Variants in SH3RF3 observed in about 807,000 individuals in gnomAD.
SH3RF3 encodes the protein SH3 domain containing ring finger 3, also known as E3 ubiquitin-protein ligase SH3RF3.
In SH3RF3, 29 loss-of-function variants were observed where a neutral mutation model predicts 66.3. That is an observed-to-expected ratio of 0.44 (90% CI 0.33 to 0.60). The LOEUF (loss-of-function observed/expected upper bound fraction) is 0.60, where lower values mean the gene tolerates loss of function less well. Among genes scored for constraint, SH3RF3 ranks in the 20% least tolerant of loss-of-function variants. The pLI is 0.04. For missense variants in SH3RF3, 1,194 were observed against 1,190.9 expected, an observed-to-expected ratio of 1.00 and a Z score of -0.04; for synonymous variants, 583 against 532.0, an observed-to-expected ratio of 1.10 and a Z score of -1.32.
intron 1 of SH3RF3, among the ~76,000 whole-genome samples, chr2:109,321,127 GAC>G (rs1288502784): frequency 6.6e-6 from 1 of 152,232 alleles, no homozygotes; most frequent in Non-Finnish European, 1.5e-5. Flanking sequence ...AAGACTCACG[GAC>G]ACACAAGACG....
At chr2:109,215,168 G>C (rs1411539191) in intron 1 of SH3RF3, among the ~76,000 whole-genome samples, 1 of 152,174 alleles carries the variant, frequency 6.6e-6, no homozygotes, top group Non-Finnish European at 1.5e-5. Flanking sequence ...CTCTCTCTGA[G>C]CATTGCTCAA....
intron 1 of SH3RF3, among the ~76,000 whole-genome samples, chr2:109,155,591 G>A (rs926140686): frequency 4.6e-5 from 7 of 152,170 alleles, no homozygotes; most frequent in South Asian, 2.1e-4. Flanking sequence ...CTGAGCCACC[G>A]TGCCTGGCCG....
rs1264954235 is a variant in SH3RF3, at chr2:109,129,783, C to T, written c.243C>T (p.Cys81=). The change falls in exon 1 of 10, where the codon TGC becomes TGT. Residue 81 remains cysteine, a synonymous_variant. Transcript: ENST00000309415. Reference sequence around the variant, plus strand: ...GCCAACACACTTTCTGCCGCCGCTGCCTGGAGAGCATCGTGTGCTCGCGCC... The same window carrying T: ...GCCAACACACTTTCTGCCGCCGCTGTCTGGAGAGCATCGTGTGCTCGCGCC... ...LPCQHTFCRR[C]LESIVCSRHE... 2 of 1,539,290 alleles carry T rather than the reference C, an allele frequency of 1.3e-6. No homozygotes were observed. Among genetic ancestry groups the T allele is most frequent in the Admixed American group, 2.0e-5 (1 of 50,498 alleles).
At chr2:109,330,268 A>G (rs766174016) in intron 1 of SH3RF3, among the ~76,000 whole-genome samples, 16 of 152,088 alleles carry the variant, frequency 1.1e-4, no homozygotes, top group Non-Finnish European at 2.2e-4. Context: ...CTTTTCCTCA[A>G]TTTTGGTGTG....
chr2:109,328,874 T>C (rs1290543639), intron 1 of SH3RF3, among the ~76,000 whole-genome samples: 1 of 152,184 alleles, frequency 6.6e-6, no homozygotes, highest in Non-Finnish European at 1.5e-5. Flanking sequence ...ATCCCTGGAC[T>C]CCCAGTTGCC....
chr2:109,436,631 A>G (rs774249874), intron 6 of SH3RF3, among the ~76,000 whole-genome samples: 23 of 152,220 alleles, frequency 1.5e-4, no homozygotes, highest in Non-Finnish European at 2.5e-4. Context: ...GGTATAAAAG[A>G]TTTCGTTCAG....
At chr2:109,398,138 C>T (rs1409508527) in intron 3 of SH3RF3, among the ~76,000 whole-genome samples, 1 of 152,192 alleles carries the variant, frequency 6.6e-6, no homozygotes, top group Non-Finnish European at 1.5e-5. Context: ...CAGTCACATG[C>T]TTTGAAATCT....
At chr2:109,289,771 T>A (rs920200230) in intron 1 of SH3RF3, among the ~76,000 whole-genome samples, 14 of 152,136 alleles carry the variant, frequency 9.2e-5, no homozygotes, top group Admixed American at 2.0e-4. Context: ...CTTTTTTTTT[T>A]AAGCTGGAAA....
At chr2:109,446,575 T>G (rs531372758) in intron 7 of SH3RF3, among the ~76,000 whole-genome samples, 3 of 152,086 alleles carry the variant, frequency 2.0e-5, no homozygotes, top group African/African-American at 7.2e-5. Flanking sequence ...TAGAAGGTGG[T>G]ATCTGAGCCT....
chr2:109,380,140 G>A (rs111630980), intron 3 of SH3RF3, among the ~76,000 whole-genome samples: 4,790 of 152,286 alleles, frequency 0.031, 242 homozygotes, highest in African/African-American at 0.1. Flanking sequence ...ACATACATGG[G>A]TGTTCATTGT....
chr2:109,481,050 G>A (rs1221955089), intron 8 of SH3RF3, among the ~76,000 whole-genome samples: 1 of 152,174 alleles, frequency 6.6e-6, no homozygotes, highest in Non-Finnish European at 1.5e-5. Flanking sequence ...GGAAACAGAG[G>A]GACAGGCAGC....
intron 1 of SH3RF3, among the ~76,000 whole-genome samples, chr2:109,170,259 CTTCTCTTCTCTTCTCTTCTCTT>C (rs1558938169): frequency 3.3e-5 from 1 of 30,476 alleles, no homozygotes; most frequent in Non-Finnish European, 9.0e-5. Context: ...CTTCTCTTCT[CTTCTCTTCTCTTCTCTTCTCTT>C]CTCTTCTCTT....
rs17035131 is a variant in SH3RF3, at chr2:109,200,696, C to A, written c.573+70583C>A. 4.6e-3 allele frequency among the ~76,000 whole-genome samples: 695 copies of A among 152,298 alleles called. 5 individuals are homozygous for A. The highest frequency in any genetic ancestry group is 0.015 in the African/African-American group (621 of 41,564). ...CTTTTCTCCTGGTGTCCCTGCACTCCGGTTGGTTCACCTGCTCACAGGCTC... is the reference window on the plus strand; with the variant it reads ...CTTTTCTCCTGGTGTCCCTGCACTCAGGTTGGTTCACCTGCTCACAGGCTC... On this transcript the variant is annotated intron_variant, in intron 1 of 9. Coordinates refer to ENST00000309415, the MANE Select transcript of SH3RF3 (RefSeq NM_001099289.3).
intron 1 of SH3RF3, among the ~76,000 whole-genome samples, chr2:109,197,960 G>C (rs1678547399): frequency 6.6e-6 from 1 of 152,250 alleles, no homozygotes; most frequent in East Asian, 1.9e-4. Context: ...ATCTGGGTGA[G>C]GCCCAGGAGG....
At chr2:109,356,875 C>T (rs763018922) in intron 2 of SH3RF3, among the ~76,000 whole-genome samples, 1 of 152,108 alleles carries the variant, frequency 6.6e-6, no homozygotes, top group Non-Finnish European at 1.5e-5. Flanking sequence ...GCCCCCACAG[C>T]GCTCTCACTT....
chr2:109,477,615 T>G (rs1194785302), intron 8 of SH3RF3, among the ~76,000 whole-genome samples: 10 of 35,570 alleles, frequency 2.8e-4, no homozygotes, highest in East Asian at 8.7e-4. Context: ...CACAGATGGG[T>G]GTGTGTGTGT....
At chr2:109,271,196 G>A (rs1457419971) in intron 1 of SH3RF3, among the ~76,000 whole-genome samples, 1 of 152,152 alleles carries the variant, frequency 6.6e-6, no homozygotes, top group African/African-American at 2.4e-5. Flanking sequence ...AGCAAAACAA[G>A]GTTTGCCGGC....
At chr2:109,322,941 T>C (rs1369668632) in intron 1 of SH3RF3, among the ~76,000 whole-genome samples, 1 of 152,134 alleles carries the variant, frequency 6.6e-6, no homozygotes, top group Non-Finnish European at 1.5e-5. Flanking sequence ...TGGAATTTAG[T>C]GAGAGTGGGC....
intron 1 of SH3RF3, among the ~76,000 whole-genome samples, chr2:109,203,758 A>G (rs966460631): frequency 6.6e-6 from 1 of 152,116 alleles, no homozygotes; most frequent in Admixed American, 6.5e-5. Flanking sequence ...CAGAACCCAC[A>G]TACCTTTCAC....
Sources: gnomAD v4.1 joint callset for allele counts (sites outside exome capture counted in the v4.1 genomes callset) on GRCh38, gnomAD v4.1.1 for gene constraint, MANE v1.5 for transcripts, NCBI Gene and HGNC (gene_info 2026-07-23, HGNC 2026-07-21) for gene names.